TBC1D8: variants seen among roughly 807,000 people sequenced by gnomAD.
The protein encoded by TBC1D8 is TBC1 domain family member 8, also known as BUB2-like protein 1.
TBC1D8 carries 65 observed loss-of-function variants against 118.8 expected under a neutral mutation model. That is an observed-to-expected ratio of 0.55 (90% CI 0.45 to 0.67). The LOEUF (loss-of-function observed/expected upper bound fraction) is 0.67. TBC1D8 is among the 30% of genes least tolerant of loss of function. TBC1D8 has a pLI of 0.00. For synonymous variants in TBC1D8, 566 were observed against 595.8 expected (o/e 0.95, Z 0.73); for missense variants, 1,376 against 1,471.2 (o/e 0.94, Z 1.06).
chr2:101,113,025 T>C (rs947565307), intron 1 of TBC1D8, among the ~76,000 whole-genome samples: 1 of 152,226 alleles, frequency 6.6e-6, no homozygotes, highest in Non-Finnish European at 1.5e-5. Flanking sequence ...ACTTCCCATC[T>C]GAGTCTGAAT....
intron 18 of TBC1D8, 146 bp downstream of exon 18, chr2:101,011,305 C>T: frequency 2.3e-6 from 2 of 861,546 alleles, no homozygotes; most frequent in Non-Finnish European, 3.6e-6. Flanking sequence ...GCACTTCTGT[C>T]CTCTAAAGGC....
At chr2:101,082,075 G>A (rs1243258238) in intron 2 of TBC1D8, among the ~76,000 whole-genome samples, 1 of 152,192 alleles carries the variant, frequency 6.6e-6, no homozygotes, top group Non-Finnish European at 1.5e-5. Context: ...GGAGGCGGAG[G>A]TTGCCGTGAA....
At chr2:101,056,163 G>A (rs1285468834) in intron 3 of TBC1D8, among the ~76,000 whole-genome samples, 2 of 150,800 alleles carry the variant, frequency 1.3e-5, no homozygotes, top group Non-Finnish European at 2.9e-5. Flanking sequence ...TCAAACCCGA[G>A]CACTGACATT....
Position 101,007,720 on chromosome 2 carries a change from G to A in TBC1D8, c.*101C>T. 3 of 1,249,906 alleles carry A rather than the reference G, an allele frequency of 2.4e-6. No homozygotes were observed. In the East Asian group the frequency reaches 7.0e-5, roughly 29 times the overall value. The allele number at this position is 1,249,906 out of a possible 1,614,324, so 77.4% of individuals were successfully genotyped here. ...GGTTGTTTAGCCAGATGCCCCATTG[G>A]TAAGGTAGACTGAAATCTCGGTTTA... On this transcript the variant is annotated 3_prime_UTR_variant, in exon 20 of 20. Coordinates refer to ENST00000409318, the MANE Select transcript of TBC1D8 (RefSeq NM_001330348.2).
At chr2:101,084,465 T>G (rs1362899648) in intron 2 of TBC1D8, among the ~76,000 whole-genome samples, 1 of 152,134 alleles carries the variant, frequency 6.6e-6, no homozygotes, top group Non-Finnish European at 1.5e-5. Context: ...GCAGGAGAAC[T>G]GCTTGAACCC....
intron 15 of TBC1D8, among the ~76,000 whole-genome samples, chr2:101,024,837 G>C (rs1294618143): frequency 6.6e-6 from 1 of 152,192 alleles, no homozygotes; most frequent in Non-Finnish European, 1.5e-5. Flanking sequence ...TGGGGTCCAG[G>C]AAATGCACAG....
chr2:101,137,281 CCCCAGCCT>C (rs1274527732), intron 1 of TBC1D8, among the ~76,000 whole-genome samples: 1 of 152,110 alleles, frequency 6.6e-6, no homozygotes, highest in Non-Finnish European at 1.5e-5. Context: ...GATCCGCCCA[CCCCAGCCT>C]CCCAAAGTGC....
chr2:101,106,413 G>C (rs1448449837), intron 1 of TBC1D8, among the ~76,000 whole-genome samples: 1 of 152,220 alleles, frequency 6.6e-6, no homozygotes, highest in Non-Finnish European at 1.5e-5. Context: ...AATGCAGGAT[G>C]TGACCCAGCA....
At chr2:101,037,214 C>T (rs904248894) in intron 8 of TBC1D8, among the ~76,000 whole-genome samples, 18 of 152,198 alleles carry the variant, frequency 1.2e-4, no homozygotes, top group African/African-American at 3.9e-4. Flanking sequence ...AGCTATAACG[C>T]GGGGCACACA....
chr2:101,025,170 G>A (rs1266170006), intron 15 of TBC1D8, among the ~76,000 whole-genome samples: 3 of 152,018 alleles, frequency 2.0e-5, no homozygotes, highest in Non-Finnish European at 4.4e-5. Context: ...ATTGTTAACC[G>A]TAATTATCTG....
chr2:101,012,591 T>G (rs909389513), intron 17 of TBC1D8, among the ~76,000 whole-genome samples: 10 of 150,006 alleles, frequency 6.7e-5, no homozygotes, highest in Non-Finnish European at 1.5e-4. Flanking sequence ...GGTCTAAAAT[T>G]GATTGTGGTG....
Position 101,151,109 on chromosome 2 carries a change from C to T in TBC1D8, c.127+18G>A. On this transcript the variant is annotated intron_variant, in intron 1 of 19. Transcript: ENST00000409318. ...GCCCCGGGCCCGGCCGCCGCGCCCGCCCCGGCGAGCCCCTTACCGGTGAGG... is the reference window on the plus strand; with the variant it reads ...GCCCCGGGCCCGGCCGCCGCGCCCGTCCCGGCGAGCCCCTTACCGGTGAGG... 2.9e-6 allele frequency: 3 copies of T among 1,035,616 alleles called. No individual in the cohort carries two copies. The highest frequency in any genetic ancestry group is 4.2e-5 in the South Asian group (1 of 23,616). 64.2% of individuals were successfully genotyped at this position (1,035,616 alleles called of 1,614,324 possible). A position where few individuals can be genotyped will look rare whatever the true frequency, so the allele number is the denominator to read the frequency against.
chr2:101,091,190 C>A (rs961677592), intron 1 of TBC1D8, among the ~76,000 whole-genome samples: 6 of 152,118 alleles, frequency 3.9e-5, no homozygotes, highest in African/African-American at 1.4e-4. Flanking sequence ...GAGGCCGAGG[C>A]AAGAGAATCG....
intron 1 of TBC1D8, among the ~76,000 whole-genome samples, chr2:101,093,134 CT>C (rs1676152865): frequency 6.6e-6 from 1 of 152,144 alleles, no homozygotes; most frequent in African/African-American, 2.4e-5. Context: ...CTTTTCTCTA[CT>C]TTCTTTATTG....
At chr2:101,141,816 C>A (rs1424005457) in intron 1 of TBC1D8, among the ~76,000 whole-genome samples, 1 of 151,082 alleles carries the variant, frequency 6.6e-6, no homozygotes, top group African/African-American at 2.4e-5. Context: ...CACACACACA[C>A]ACACACACAT....
At position 101,017,172 on chromosome 2, in the gene TBC1D8, A is replaced by G. The variant is rs552061895; in HGVS notation, c.2827+4509T>C. Among the ~76,000 whole-genome samples, 9 of 152,192 alleles carry G rather than the reference A, an allele frequency of 5.9e-5. No individual in the cohort carries two copies. The East Asian group carries it at 1.4e-3, about 23-fold the overall frequency. ...TCTTCCACGTCCACATCTTGTCCCA[A>G]CTGAAGGTCTTCATGGGCAATAACA... On this transcript the variant is annotated intron_variant, in intron 17 of 19. Transcript: ENST00000409318.
chr2:101,063,004 G>T (rs1682837837), intron 2 of TBC1D8, among the ~76,000 whole-genome samples: 1 of 152,030 alleles, frequency 6.6e-6, no homozygotes, highest in African/African-American at 2.4e-5. Flanking sequence ...CTATGGCTGG[G>T]CATTAAAAAA....
intron 3 of TBC1D8, among the ~76,000 whole-genome samples, chr2:101,057,671 A>T (rs10174710): frequency 0.085 from 12,935 of 152,094 alleles, 1,563 homozygotes; most frequent in African/African-American, 0.27. Flanking sequence ...AAAAAATAAA[A>T]ACATTAGCCA....
intron 17 of TBC1D8, chr2:101,018,904 A>C (rs1248726828): frequency 6.7e-7 from 1 of 1,491,424 alleles, no homozygotes; most frequent in East Asian, 2.4e-5. Flanking sequence ...ATCAATCTGC[A>C]GTGAAAACTG....
Sources: allele counts gnomAD v4.1 joint callset (sites outside exome capture counted in the v4.1 genomes callset), GRCh38; gene constraint gnomAD v4.1.1; transcripts MANE v1.5; gene names NCBI Gene and HGNC (gene_info 2026-07-23, HGNC 2026-07-21).